SNRPN: variants seen among roughly 807,000 people sequenced by gnomAD.
SNRPN encodes the protein small nuclear ribonucleoprotein-associated protein N.
SNRPN carries 7 observed loss-of-function variants against 25.2 expected under a neutral mutation model. That is an observed-to-expected ratio of 0.28 (90% CI 0.16 to 0.52). SNRPN has a LOEUF of 0.52. SNRPN is among the 20% of genes least tolerant of loss of function. The pLI, the probability that SNRPN is intolerant of heterozygous loss-of-function variation, is 0.96. For missense variants in SNRPN, 196 were observed against 322.5 expected (o/e 0.61, Z 3.00); for synonymous variants, 124 against 110.6 (o/e 1.12, Z -0.76).
At chr15:24,828,707 A>G (rs899463192) in intron 1 of SNRPN, among the ~76,000 whole-genome samples, 2 of 152,160 alleles carry the variant, frequency 1.3e-5, no homozygotes, top group Non-Finnish European at 2.9e-5. Context: ...CCTGAGAAAT[A>G]TAGCTAGGCT....
chr15:24,930,590 C>CAAAAAAAAAAAAAAAA (rs67708507), intron 3 of SNRPN, among the ~76,000 whole-genome samples: 3 of 98,328 alleles, frequency 3.1e-5, no homozygotes, highest in Non-Finnish European at 3.9e-5. Flanking sequence ...TACAAAAATA[C>CAAAAAAAAAAAAAAAA]AAAAAAAAAA....
At chr15:24,849,261 A>C (rs1171607495) in intron 2 of SNRPN, 1 of 152,286 alleles carries the variant, frequency 6.6e-6, no homozygotes, top group African/African-American at 2.4e-5. Flanking sequence ...TGGCTAGGTC[A>C]TGCTTTTCTG....
At chr15:24,879,558 C>A (rs4906933) in intron 1 of SNRPN, among the ~76,000 whole-genome samples, 42,386 of 151,978 alleles carry the variant, frequency 0.28, 6,091 homozygotes, top group African/African-American at 0.3. Flanking sequence ...ATGCATTTGC[C>A]TTTTCAAAGC....
chr15:24,957,826 A>G (rs547854078), intron 1 of SNRPN, among the ~76,000 whole-genome samples: 92 of 152,084 alleles, frequency 6.0e-4, no homozygotes, highest in Non-Finnish European at 9.3e-4. Context: ...CAAGCTGAGT[A>G]TTTAGTCTGA....
intron 3 of SNRPN, among the ~76,000 whole-genome samples, chr15:24,921,699 C>A (rs954926203): frequency 6.6e-6 from 1 of 152,118 alleles, no homozygotes; most frequent in African/African-American, 2.4e-5. Context: ...ATGGCCATTG[C>A]AGAAAGGGAA....
chr15:24,954,643 G>A (rs1244261520), upstream of SNRPN, among the ~76,000 whole-genome samples: 1 of 152,224 alleles, frequency 6.6e-6, no homozygotes, highest in Admixed American at 6.5e-5. Context: ...AGGAAGACCT[G>A]AGGGTGAGTG....
chr15:24,930,443 A>G (rs1320449655), intron 3 of SNRPN, among the ~76,000 whole-genome samples: 4 of 151,816 alleles, frequency 2.6e-5, no homozygotes, highest in Non-Finnish European at 5.9e-5. Context: ...GTCTAGGTTC[A>G]CCTATACCTT....
chr15:24,924,924 G>A (rs1221323834), intron 3 of SNRPN, among the ~76,000 whole-genome samples: 1 of 152,102 alleles, frequency 6.6e-6, no homozygotes, highest in African/African-American at 2.4e-5. Context: ...ACCCAGCCAC[G>A]TGAAAACTGG....
At chr15:24,867,918 A>C (rs911257870) in intron 1 of SNRPN, among the ~76,000 whole-genome samples, 6 of 151,582 alleles carry the variant, frequency 4.0e-5, no homozygotes, top group Non-Finnish European at 5.9e-5. Context: ...ATATGATCCA[A>C]TTTTCTCTTC....
rs202062268 is a variant in SNRPN at position 24,872,871 on chromosome 15, CAAAAAAAAAAAAAA to C, written c.-578-13633_-578-13620del. ...TGGGTGACAGAGCGAGACTCCGTCT[CAAAAAAAAAAAAAA>C]AAAAAAAAAAATAGTTTTCCTCATT... On this transcript the variant is annotated intron_variant, in intron 1 of 11. Coordinates refer to the SNRPN transcript ENST00000400097. 1.0e-3 allele frequency among the ~76,000 whole-genome samples: 62 copies of C among 59,346 alleles called. 17 individuals are homozygous for C. The highest frequency in any genetic ancestry group is 7.6e-3 in the Admixed American group (34 of 4,468). 38.9% of individuals were successfully genotyped at this position (59,346 alleles called of 152,430 possible).
At chr15:24,874,689 A>G (rs1239285028) in intron 1 of SNRPN, among the ~76,000 whole-genome samples, 1 of 151,248 alleles carries the variant, frequency 6.6e-6, no homozygotes, top group Non-Finnish European at 1.5e-5. Context: ...TGGTGATATG[A>G]TCACCATCAA....
intron 2 of SNRPN, among the ~76,000 whole-genome samples, chr15:24,847,525 A>C (rs1257004948): frequency 1.3e-5 from 2 of 152,118 alleles, no homozygotes; most frequent in Non-Finnish European, 2.9e-5. Flanking sequence ...CTGTAATCCC[A>C]ACTACTGGGA....
At chr15:24,953,481 G>A (rs1019660088), upstream of SNRPN, among the ~76,000 whole-genome samples, 10 of 152,006 alleles carry the variant, frequency 6.6e-5, no homozygotes, top group Non-Finnish European at 1.3e-4. Context: ...GTGCCATCAC[G>A]CCCAGCTAAT....
intron 2 of SNRPN, among the ~76,000 whole-genome samples, chr15:24,903,966 G>A (rs1173875403): frequency 1.3e-5 from 2 of 151,808 alleles, no homozygotes; most frequent in African/African-American, 4.8e-5. Flanking sequence ...CCCAGGAGGT[G>A]GCAGTTGCAG....
intron 2 of SNRPN, among the ~76,000 whole-genome samples, chr15:24,900,534 GC>G (rs145147387): frequency 0.02 from 3,034 of 152,192 alleles, 107 homozygotes; most frequent in African/African-American, 0.069. Flanking sequence ...TAAAGGGGAT[GC>G]CCATTTTTCT....
intron 2 of SNRPN, among the ~76,000 whole-genome samples, chr15:24,837,919 C>T (rs893689328): frequency 6.6e-6 from 1 of 151,574 alleles, no homozygotes; most frequent in African/African-American, 2.4e-5. Context: ...GACAGGGTTT[C>T]ACCATGTTTG....
chr15:24,957,499 T>G (rs778718399), intron 1 of SNRPN, among the ~76,000 whole-genome samples: 2 of 152,232 alleles, frequency 1.3e-5, no homozygotes, highest in Non-Finnish European at 2.9e-5. Context: ...CCAGTACTTT[T>G]TTAAAAAATC....
chr15:24,860,742 CAGAA>C (rs1380025971), intron 1 of SNRPN, among the ~76,000 whole-genome samples: 1 of 152,088 alleles, frequency 6.6e-6, no homozygotes, highest in Non-Finnish European at 1.5e-5. Context: ...AACAGAAAAA[CAGAA>C]AGATTGGACA....
rs577906510 is a variant in SNRPN at position 24,828,525 on chromosome 15, C to T, written c.-686-1273C>T. Among the ~76,000 whole-genome samples, 5 of 151,676 alleles carry T rather than the reference C, an allele frequency of 3.3e-5. No homozygotes were observed. The South Asian group carries it at 8.4e-4, about 25-fold the overall frequency. The stretch of plus-strand genomic sequence containing the variant: ...TCGCGCCACTGCACTCCAGCCTGGG[C>T]GACAGAGCGAGACTCCGTCTCGAAA... On this transcript the variant is annotated intron_variant, in intron 1 of 12. Transcript: ENST00000400100.
Sources: allele counts gnomAD v4.1 joint callset (sites outside exome capture counted in the v4.1 genomes callset), GRCh38; gene constraint gnomAD v4.1.1; transcripts MANE v1.5; gene names NCBI Gene and HGNC (gene_info 2026-07-23, HGNC 2026-07-21).